Variants in NBPF20 observed in about 807,000 individuals in gnomAD.
NBPF20 encodes NBPF family member NBPF20.
NBPF20 carries 90 observed loss-of-function variants against 68.1 expected under a neutral mutation model. The observed-to-expected ratio is 1.32, with a 90% CI of 1.11 to 1.58. The LOEUF (loss-of-function observed/expected upper bound fraction) is 1.58, where lower values mean the gene tolerates loss of function less well. NBPF20 is among the 40% of genes most tolerant of loss of function. The pLI is 0.00. For missense variants in NBPF20, 816 were observed against 601.2 expected (o/e 1.36, Z -3.74); for synonymous variants, 290 against 228.1 (o/e 1.27, Z -2.45).
chr1:145,292,130 C>T (rs587680280), intron 137 of NBPF20, among the ~76,000 whole-genome samples: 8 of 149,754 alleles, frequency 5.3e-5, no homozygotes, highest in Non-Finnish European at 1.0e-4. Context: ...ATAAAATATG[C>T]TCAAAATTCG....
chr1:145,405,075 G>T (rs781896580), intron 2 of NBPF20, 23 bp downstream of exon 7: 200 of 1,612,998 alleles, frequency 1.2e-4, no homozygotes, highest in Non-Finnish European at 1.6e-4. Flanking sequence ...TCACTTTCAT[G>T]ATGGTGAGCC....
Position 145,393,781 on chromosome 1 carries a change from C to T in NBPF20, c.1043+103G>A, listed in dbSNP as rs1662065478. Reference sequence around the variant, plus strand: ...TGTAGTAGGCATAATTCAGACTTGTCTGACAAGACAAAATCATTATTTTCA... The same window carrying T: ...TGTAGTAGGCATAATTCAGACTTGTTTGACAAGACAAAATCATTATTTTCA... On this transcript the variant is annotated intron_variant, in intron 9 of 137. Transcript: ENST00000369373. 3.5e-6 allele frequency: 5 copies of T among 1,432,696 alleles called. No individual in the cohort carries two copies. The East Asian group carries it at 6.8e-5, about 20-fold the overall frequency. The allele number at this position is 1,432,696 out of a possible 1,614,324, so 88.7% of individuals were successfully genotyped here. A position where few individuals can be genotyped will look rare whatever the true frequency, so the allele number is the denominator to read the frequency against.
chr1:145,401,036 T>G, intron 5 of NBPF20, 23 bp downstream of exon 10: 1 of 1,575,498 alleles, frequency 6.3e-7, no homozygotes, highest in Admixed American at 1.7e-5. Flanking sequence ...ATCCATTAAT[T>G]GTTCCTGAGT....
At chr1:145,400,125 G>T (rs1298940290) in intron 6 of NBPF20, among the ~76,000 whole-genome samples, 1 of 152,162 alleles carries the variant, frequency 6.6e-6, no homozygotes, top group African/African-American at 2.4e-5. Flanking sequence ...AAGCTAGTAG[G>T]CCTGACAGAT....
exon 138 of NBPF20, chr1:145,291,362 G>T: frequency 6.7e-7 from 1 of 1,498,702 alleles, no homozygotes; most frequent in Non-Finnish European, 9.0e-7. Context: ...TCTTCAGACT[G>T]AGCACAGGTT....
At chr1:145,413,453 C>T in the NBPF20 span, among the ~76,000 whole-genome samples, 1 of 151,992 alleles carries the variant, frequency 6.6e-6, no homozygotes, top group East Asian at 1.9e-4. Context: ...AACTGTGATA[C>T]ATTCATTCCA....
At chr1:145,315,692 A>C in intron 107 of NBPF20, 94 bp from the exon 113 acceptor site, 1 of 47,236 alleles carries the variant, frequency 2.1e-5, no homozygotes, top group Non-Finnish European at 3.5e-5. Context: ...GGAACTGTTT[A>C]AAAAGAAAAA....
At chr1:145,409,563 T>C (rs1455312393), upstream of NBPF20, among the ~76,000 whole-genome samples, 2 of 145,694 alleles carry the variant, frequency 1.4e-5, no homozygotes, top group Non-Finnish European at 3.0e-5. Flanking sequence ...ACAGGAGCCA[T>C]TTAGTATTAA....
intron 3 of NBPF20, 66 bp from the exon 9 acceptor site, chr1:145,402,447 C>A (rs1242304875): frequency 9.5e-6 from 15 of 1,572,402 alleles, no homozygotes; most frequent in East Asian, 6.7e-5. Flanking sequence ...AATATTGCAA[C>A]AGAGATTTCT....
chr1:145,292,580 G>C, intron 136 of NBPF20, 91 bp from the exon 142 acceptor site: 1 of 742,960 alleles, frequency 1.3e-6, no homozygotes, highest in South Asian at 1.4e-5. Flanking sequence ...AGGGACCTCA[G>C]GCTCCCCAGC....
At chr1:145,405,979 C>T (rs1292412175), upstream of NBPF20, among the ~76,000 whole-genome samples, 170 of 150,230 alleles carry the variant, frequency 1.1e-3, no homozygotes, top group Non-Finnish European at 1.9e-3. Flanking sequence ...AGTGCAGTGA[C>T]GCGATCTAGG....
At chr1:145,397,841 T>A (rs1662333275) in intron 7 of NBPF20, among the ~76,000 whole-genome samples, 1 of 152,010 alleles carries the variant, frequency 6.6e-6, no homozygotes, top group African/African-American at 2.4e-5. Flanking sequence ...AGGAAACCCA[T>A]CTCACATGCA....
chr1:145,393,323 A>G (rs1395253497), intron 9 of NBPF20, 77 bp from the exon 15 acceptor site: 12 of 681,628 alleles, frequency 1.8e-5, no homozygotes, highest in Non-Finnish European at 8.1e-6. Flanking sequence ...TTTCATGGCT[A>G]ACGTAAGGAA....
chr1:145,396,822 GGTTA>G (rs1414147796), intron 7 of NBPF20, among the ~76,000 whole-genome samples: 1 of 146,002 alleles, frequency 6.8e-6, no homozygotes, highest in African/African-American at 2.5e-5. Context: ...ACAACGTGCA[GGTTA>G]GTTACATATG....
chr1:145,400,950 C>G, intron 5 of NBPF20, 109 bp downstream of exon 10: 1 of 1,346,490 alleles, frequency 7.4e-7, no homozygotes, highest in Non-Finnish European at 1.1e-6. Context: ...CATACTGTGG[C>G]CAAGCAAATG....
At chr1:145,404,358 A>T (rs1662669595) in intron 2 of NBPF20, among the ~76,000 whole-genome samples, 1 of 151,846 alleles carries the variant, frequency 6.6e-6, no homozygotes, top group African/African-American at 2.4e-5. Flanking sequence ...TGCTGGGTTC[A>T]AAGGATTCTT....
At chr1:145,352,286 G>C (rs1206416153) in intron 61 of NBPF20, among the ~76,000 whole-genome samples, 197 bp from the exon 67 acceptor site, 3 of 83,826 alleles carry the variant, frequency 3.6e-5, no homozygotes, top group Non-Finnish European at 7.7e-5. Context: ...AAGACAGATA[G>C]ACACACACAC....
chr1:145,294,992 G>A, intron 133 of NBPF20, 38 bp from the exon 139 acceptor site: 4 of 330,828 alleles, frequency 1.2e-5, no homozygotes, highest in South Asian at 2.4e-5. Flanking sequence ...AAGCCAGGGG[G>A]AATCAGAAAC....
chr1:145,399,919 A>T (rs1425982795), intron 6 of NBPF20, among the ~76,000 whole-genome samples: 1 of 151,738 alleles, frequency 6.6e-6, no homozygotes, highest in African/African-American at 2.4e-5. Context: ...TTCTGTCCTG[A>T]TTTCAGGGTG....
Sources: allele counts gnomAD v4.1 joint callset (sites outside exome capture counted in the v4.1 genomes callset), GRCh38; gene constraint gnomAD v4.1.1; transcripts MANE v1.5; gene names NCBI Gene and HGNC (gene_info 2026-07-23, HGNC 2026-07-21).